Variants in STAB2 observed in about 807,000 individuals in gnomAD.
STAB2 encodes stabilin 2.
Under a neutral mutation model 338.1 loss-of-function variants are expected in STAB2, and 288 were observed. That is an observed-to-expected ratio of 0.85 (90% CI 0.77 to 0.94). STAB2 has a LOEUF of 0.94. STAB2 is among the 40% of genes least tolerant of loss of function. STAB2 has a pLI of 0.00. For missense variants in STAB2, 3,141 were observed against 3,210.1 expected, an observed-to-expected ratio of 0.98 and a Z score of 0.52; for synonymous variants, 1,202 against 1,193.3, an observed-to-expected ratio of 1.01 and a Z score of -0.15.
chr12:103,725,068 T>C lies in STAB2; in HGVS notation c.4777T>C (p.Phe1593Leu). 6.2e-7 allele frequency: 1 copy of C among 1,613,354 alleles called. No individual in the cohort carries two copies. The highest frequency in any genetic ancestry group is 8.5e-7 in the Non-Finnish European group (1 of 1,179,324). The change falls in exon 45 of 69, where the codon TTT becomes CTT. Residue 1593 changes from phenylalanine to leucine, a missense_variant. Transcript: ENST00000388887. ...CAAGCCAAACTACATTGGAGATGGA[T>C]TTACCTGCCGCGGCAGCATTTATCA... Reference protein sequence around the residue: ...TCKPNYIGDGFTCRGSIYQEL... With the variant: ...TCKPNYIGDGLTCRGSIYQEL...
intron 67 of STAB2, 107 bp from the exon 68 acceptor site, chr12:103,763,385 A>AC: frequency 1.2e-6 from 1 of 829,064 alleles, no homozygotes; most frequent in Non-Finnish European, 2.0e-6. Flanking sequence ...CTGTTAAAAA[A>AC]GGAAAAGCTC....
intron 38 of STAB2, 121 bp downstream of exon 38, chr12:103,707,108 C>T: frequency 1.0e-6 from 1 of 977,020 alleles, no homozygotes; most frequent in South Asian, 1.7e-5. Flanking sequence ...GGCTGGAATC[C>T]CACCTGCTAC....
At chr12:103,697,891 G>A (rs900352640) in intron 33 of STAB2, among the ~76,000 whole-genome samples, 1 of 152,164 alleles carries the variant, frequency 6.6e-6, no homozygotes, top group African/African-American at 2.4e-5. Flanking sequence ...CTATTCAGCT[G>A]GTGCTGGTGT....
chr12:103,719,413 G>C (rs138563760), intron 44 of STAB2, among the ~76,000 whole-genome samples: 1 of 152,292 alleles, frequency 6.6e-6, no homozygotes, highest in East Asian at 1.9e-4. Flanking sequence ...CCACAAACTG[G>C]GTGGGTGAAA....
intron 12 of STAB2, among the ~76,000 whole-genome samples, chr12:103,653,360 GT>G (rs1237852295): frequency 5.3e-5 from 8 of 152,158 alleles, no homozygotes; most frequent in Admixed American, 2.0e-4. Flanking sequence ...CTTTATCTTT[GT>G]TACATAAGGC....
intron 52 of STAB2, among the ~76,000 whole-genome samples, chr12:103,736,354 T>C (rs1882122412): frequency 1.3e-5 from 2 of 152,200 alleles, no homozygotes; most frequent in South Asian, 2.1e-4. Flanking sequence ...TTAATTCCCT[T>C]CAAGGAGGAT....
chr12:103,640,009 C>A, intron 8 of STAB2, 114 bp from the exon 9 acceptor site: 2 of 1,320,908 alleles, frequency 1.5e-6, no homozygotes, highest in Non-Finnish European at 2.0e-6. Flanking sequence ...GTCCACACTT[C>A]AGACATACTC....
chr12:103,622,246 G>A (rs768292293), intron 5 of STAB2, 135 bp downstream of exon 5: 17 of 881,556 alleles, frequency 1.9e-5, no homozygotes, highest in Non-Finnish European at 2.2e-5. Context: ...ATTTAAAGGA[G>A]TTTAATCGGG....
intron 58 of STAB2, among the ~76,000 whole-genome samples, chr12:103,746,949 CTTTTTTTT>C (rs370851005): frequency 1.2e-4 from 12 of 96,078 alleles, no homozygotes; most frequent in African/African-American, 4.1e-4. Flanking sequence ...GTTTTTCTTT[CTTTTTTTT>C]TTTTTTTTTT....
chr12:103,741,164 C>T (rs1339693676), intron 55 of STAB2, among the ~76,000 whole-genome samples: 1 of 152,142 alleles, frequency 6.6e-6, no homozygotes, highest in Non-Finnish European at 1.5e-5. Context: ...TTCCTGAGCG[C>T]ACCCCTGTCC....
At chr12:103,654,032 G>T (rs937494620) in intron 12 of STAB2, among the ~76,000 whole-genome samples, 2 of 152,206 alleles carry the variant, frequency 1.3e-5, no homozygotes, top group African/African-American at 4.8e-5. Context: ...TGCATGCATG[G>T]ATGGATGAAT....
In STAB2 at chr12:103,730,103, T is replaced by C. The variant is rs867555675; in HGVS notation, c.5083-13T>C. ...TTTGCACTCATTTCTTTTTTGTTTTTGGTTGATTTCAGAGCACGGTGTATA... is the reference window on the plus strand; with the variant it reads ...TTTGCACTCATTTCTTTTTTGTTTTCGGTTGATTTCAGAGCACGGTGTATA... On this transcript the variant is annotated splice_polypyrimidine_tract_variant and intron_variant, in intron 48 of 68. Coordinates refer to ENST00000388887, the MANE Select transcript of STAB2 (RefSeq NM_017564.10). 5 of 1,562,586 alleles carry C rather than the reference T, an allele frequency of 3.2e-6. No homozygotes were observed. The African/African-American group carries it at 5.5e-5, about 17-fold the overall frequency.
chr12:103,717,679 C>A, intron 43 of STAB2, 91 bp from the exon 44 acceptor site: 1 of 1,021,998 alleles, frequency 9.8e-7, no homozygotes, highest in Non-Finnish European at 1.5e-6. Flanking sequence ...ATTACCATGA[C>A]CATGATGGAG....
chr12:103,668,931 C>G (rs1219666948), intron 20 of STAB2: 1 of 528,842 alleles, frequency 1.9e-6, no homozygotes, highest in Non-Finnish European at 3.4e-6. Flanking sequence ...GGTTCCCTAC[C>G]CTCTTAACAC....
Position 103,739,616 on chromosome 12 carries a change from TCAA to T in STAB2, c.5754+155_5754+157del, listed in dbSNP as rs145143966. 7.3e-3 allele frequency: 4,874 copies of T among 669,226 alleles called. 33 individuals are homozygous for T. Among genetic ancestry groups the T allele is most frequent in the Admixed American group, 0.01 (251 of 24,530 alleles). 41.5% of individuals were successfully genotyped at this position (669,226 alleles called of 1,614,324 possible). The stretch of plus-strand genomic sequence containing the variant: ...CATAAATGTAATTTATGTCATTCTT[TCAA>T]CAACAAAGCCAATGGGGTAAGATAG... On this transcript the variant is annotated intron_variant, in intron 54 of 68. Transcript: ENST00000388887.
At position 103,699,122 on chromosome 12, in the gene STAB2, G is replaced by A. The variant is rs146077849; in HGVS notation, c.3609G>A (p.Val1203=). Residue 1203 remains valine, a synonymous_variant, in exon 34 of 69, where the codon GTG becomes GTA. Coordinates refer to ENST00000388887, the MANE Select transcript of STAB2 (RefSeq NM_017564.10). ...SLEEDVLRYH[V]VLEEKLLKND... ...AGGAGGACGTCCTCCGGTATCATGT[G>A]GTCCTGGAGGAGAAACTCCTGAAGA... 108 of 1,610,914 alleles carry A rather than the reference G, an allele frequency of 6.7e-5. No individual in the cohort carries two copies. Among genetic ancestry groups the A allele is most frequent in the Admixed American group, 5.8e-4 (35 of 59,954 alleles).
intron 50 of STAB2, 37 bp from the exon 51 acceptor site, chr12:103,732,969 G>C: frequency 6.2e-7 from 1 of 1,603,982 alleles, no homozygotes; most frequent in Non-Finnish European, 8.5e-7. Context: ...TCTGGGCCTT[G>C]CTCAAGCCAG....
intron 25 of STAB2, 73 bp downstream of exon 25, chr12:103,677,684 G>A (rs1432726393): frequency 2.6e-6 from 4 of 1,536,424 alleles, no homozygotes; most frequent in Non-Finnish European, 3.5e-6. Context: ...TCAGGACACA[G>A]AAGTACTTTG....
chr12:103,674,138 G>A (rs944228228), intron 23 of STAB2, 51 bp downstream of exon 23: 1 of 1,565,310 alleles, frequency 6.4e-7, no homozygotes, highest in African/African-American at 1.3e-5. Flanking sequence ...TTAAGTGTAA[G>A]GGGATGGCAC....
Sources: gnomAD v4.1 joint callset for allele counts (sites outside exome capture counted in the v4.1 genomes callset) on GRCh38, gnomAD v4.1.1 for gene constraint, MANE v1.5 for transcripts, NCBI Gene and HGNC (gene_info 2026-07-23, HGNC 2026-07-21) for gene names.